Variants in BRINP3 observed in about 807,000 individuals in gnomAD.
BRINP3 encodes the protein BMP/retinoic acid-inducible neural-specific protein 3.
BRINP3 carries 19 observed loss-of-function variants against 71.0 expected under a neutral mutation model. The ratio of observed to expected loss-of-function variants is 0.27; its 90% CI spans 0.19 to 0.39. The LOEUF is 0.39. Ranked by LOEUF, BRINP3 falls within the 10% of genes least tolerant of loss-of-function variation. The pLI is 1.00. For synonymous variants in BRINP3, 380 were observed against 337.7 expected (o/e 1.13, Z -1.37); for missense variants, 959 against 940.8 (o/e 1.02, Z -0.25).
In BRINP3 at chr1:190,454,761, A is replaced by T. The variant is rs769314653; in HGVS notation, c.130T>A (p.Phe44Ile). Reference sequence around the variant, plus strand: ...CCCTTATCAGAGAGGAGCCAGTCGAAGGGGCTTGTGGCATGCTGATCCGAA... The same window carrying T: ...CCCTTATCAGAGAGGAGCCAGTCGATGGGGCTTGTGGCATGCTGATCCGAA... ...AVSDQHATSPFDWLLSDKGPF... is the reference protein window; with the variant it reads ...AVSDQHATSPIDWLLSDKGPF... The change falls in exon 2 of 8, where the codon TTC becomes ATC. Residue 44 changes from phenylalanine (F) to isoleucine (I), a missense_variant. Coordinates refer to ENST00000367462, the MANE Select transcript of BRINP3 (RefSeq NM_199051.3). The T allele has an allele frequency of 3.7e-6, 6 of 1,614,158 alleles. No individual in the cohort carries two copies. In the South Asian group the frequency reaches 6.6e-5, roughly 18 times the overall value.
At chr1:190,180,216 G>T (rs1383735745) in intron 6 of BRINP3, among the ~76,000 whole-genome samples, 1 of 152,092 alleles carries the variant, frequency 6.6e-6, no homozygotes, top group Admixed American at 6.6e-5. Flanking sequence ...CACCTGTTTG[G>T]TATATTAATG....
At chr1:190,230,288 C>T (rs1293182690) in intron 5 of BRINP3, among the ~76,000 whole-genome samples, 6 of 151,668 alleles carry the variant, frequency 4.0e-5, no homozygotes, top group Non-Finnish European at 5.9e-5. Context: ...TGATGAGGAA[C>T]GTAAAAAATT....
intron 2 of BRINP3, among the ~76,000 whole-genome samples, chr1:190,392,134 A>G (rs1263859737): frequency 6.6e-6 from 1 of 151,674 alleles, no homozygotes; most frequent in Non-Finnish European, 1.5e-5. Context: ...CTGATGATTA[A>G]TACTCCCTTT....
At chr1:190,420,441 G>A (rs1402573509) in intron 2 of BRINP3, among the ~76,000 whole-genome samples, 2 of 151,822 alleles carry the variant, frequency 1.3e-5, no homozygotes, top group African/African-American at 4.8e-5. Flanking sequence ...ATCAGAGTAG[G>A]CCAAAATCAA....
intron 2 of BRINP3, among the ~76,000 whole-genome samples, chr1:190,345,740 T>C (rs1208277850): frequency 1.4e-5 from 2 of 145,598 alleles, no homozygotes; most frequent in Non-Finnish European, 3.0e-5. Flanking sequence ...AAAGAACACT[T>C]GTTAAAATAG....
At chr1:190,437,093 T>C (rs1478904296) in intron 2 of BRINP3, among the ~76,000 whole-genome samples, 1 of 151,720 alleles carries the variant, frequency 6.6e-6, no homozygotes, top group Non-Finnish European at 1.5e-5. Context: ...CTTTAAATGG[T>C]GGTTTTTATA....
intron 6 of BRINP3, among the ~76,000 whole-genome samples, chr1:190,169,107 A>T (rs1214791033): frequency 6.6e-6 from 1 of 152,200 alleles, no homozygotes; most frequent in Admixed American, 6.5e-5. Flanking sequence ...AAATATGTAA[A>T]AAAACACGAC....
intron 2 of BRINP3, among the ~76,000 whole-genome samples, chr1:190,448,760 C>A (rs1675406487): frequency 6.6e-6 from 1 of 151,696 alleles, no homozygotes; most frequent in Non-Finnish European, 1.5e-5. Flanking sequence ...ACACTTATTA[C>A]ATTTGCTATA....
chr1:190,301,210 T>TATGTACACACATAC (rs1664694827), intron 2 of BRINP3, among the ~76,000 whole-genome samples: 2 of 107,824 alleles, frequency 1.9e-5, no homozygotes, highest in Admixed American at 1.0e-4. Context: ...CATACATATA[T>TATGTACACACATAC]ATATATATAT....
intron 6 of BRINP3, among the ~76,000 whole-genome samples, chr1:190,196,857 A>G (rs1275212550): frequency 1.3e-5 from 2 of 151,680 alleles, no homozygotes; most frequent in African/African-American, 4.8e-5. Context: ...TACATTTAAC[A>G]TTGATATTTC....
intron 7 of BRINP3, among the ~76,000 whole-genome samples, chr1:190,133,538 T>C (rs780888990): frequency 1.3e-5 from 2 of 152,106 alleles, no homozygotes; most frequent in African/African-American, 4.8e-5. Context: ...AAAAGTATGA[T>C]GGATGAAAAG....
chr1:190,443,901 G>A (rs960058439), intron 2 of BRINP3, among the ~76,000 whole-genome samples: 1 of 152,064 alleles, frequency 6.6e-6, no homozygotes, highest in Non-Finnish European at 1.5e-5. Flanking sequence ...TCTATAAACA[G>A]ACCTGATTGG....
intron 6 of BRINP3, among the ~76,000 whole-genome samples, chr1:190,170,447 G>A (rs925068754): frequency 2.6e-5 from 4 of 152,080 alleles, no homozygotes; most frequent in African/African-American, 9.7e-5. Flanking sequence ...AGAAGGAAAT[G>A]ATTGAACCTA....
At chr1:190,408,706 A>G (rs376026692) in intron 2 of BRINP3, among the ~76,000 whole-genome samples, 1 of 152,198 alleles carries the variant, frequency 6.6e-6, no homozygotes, top group Non-Finnish European at 1.5e-5. Context: ...TTAGTTTTCA[A>G]CTGAGAACAA....
At chr1:190,172,432 T>C (rs1652100267) in intron 6 of BRINP3, among the ~76,000 whole-genome samples, 1 of 152,074 alleles carries the variant, frequency 6.6e-6, no homozygotes, top group South Asian at 2.1e-4. Flanking sequence ...TCCCATACAT[T>C]TTTCATAATG....
chr1:190,314,343 T>C (rs1176983933), intron 2 of BRINP3, among the ~76,000 whole-genome samples: 1 of 152,090 alleles, frequency 6.6e-6, no homozygotes, highest in Non-Finnish European at 1.5e-5. Flanking sequence ...TCCTACTCCT[T>C]AGAATCCATG....
intron 4 of BRINP3, among the ~76,000 whole-genome samples, chr1:190,258,878 C>T (rs964296608): frequency 6.6e-6 from 1 of 152,108 alleles, no homozygotes; most frequent in African/African-American, 2.4e-5. Flanking sequence ...GTGGTTCAAG[C>T]CTGTAATCTT....
At chr1:190,217,486 T>G (rs1336797847) in intron 6 of BRINP3, among the ~76,000 whole-genome samples, 1 of 151,976 alleles carries the variant, frequency 6.6e-6, no homozygotes, top group Non-Finnish European at 1.5e-5. Context: ...GAAAAGTGAA[T>G]GTGGTTTTAC....
At chr1:190,180,379 G>C (rs1652922200) in intron 6 of BRINP3, among the ~76,000 whole-genome samples, 1 of 152,078 alleles carries the variant, frequency 6.6e-6, no homozygotes, top group Non-Finnish European at 1.5e-5. Context: ...GCACTTTGGG[G>C]TTTAAGCATG....
Sources: allele counts gnomAD v4.1 joint callset (sites outside exome capture counted in the v4.1 genomes callset), GRCh38; gene constraint gnomAD v4.1.1; transcripts MANE v1.5; gene names NCBI Gene and HGNC (gene_info 2026-07-23, HGNC 2026-07-21).